Variants in SPMIP8 observed in about 807,000 individuals in gnomAD.
SPMIP8 encodes testicular tissue protein Li 196.
At chr16:57,976,850 G>A in the SPMIP8 span, among the ~76,000 whole-genome samples, 1 of 152,300 alleles carries the variant, frequency 6.6e-6, no homozygotes, top group East Asian at 1.9e-4. Context: ...AAGAAAGCAA[G>A]CTGTCTCAAC....
At chr16:57,987,091 G>A in the SPMIP8 span, 5 of 342,360 alleles carry the variant, frequency 1.5e-5, no homozygotes, top group East Asian at 4.4e-5. Flanking sequence ...ACGGGGAAAC[G>A]TTTCTGGGTT....
the SPMIP8 span, among the ~76,000 whole-genome samples, chr16:57,981,431 T>A: frequency 0.82 from 109,524 of 132,914 alleles, 45,751 homozygotes; most frequent in African/African-American, 0.89. Context: ...TTATTATTAT[T>A]ATAATTTGGT....
At chr16:57,987,345 TC>T in the SPMIP8 span, 1 of 1,464,480 alleles carries the variant, frequency 6.8e-7, no homozygotes, top group African/African-American at 1.5e-5. Flanking sequence ...GCCTGATTTT[TC>T]CCCTAGGACA....
At chr16:57,977,996 C>T in the SPMIP8 span, 1 of 1,614,194 alleles carries the variant, frequency 6.2e-7, no homozygotes. Context: ...TCAAGGCCTG[C>T]CTTCCTGATG....
chr16:57,987,634 A>G, the SPMIP8 span: 349 of 506,704 alleles, frequency 6.9e-4, no homozygotes, highest in South Asian at 5.3e-3. Context: ...ACAGGATGAC[A>G]GTATCTTACC....
chr16:57,976,923 G>C, the SPMIP8 span, among the ~76,000 whole-genome samples: 146 of 152,294 alleles, frequency 9.6e-4, no homozygotes, highest in African/African-American at 3.1e-3. Context: ...TTAAAGGGAG[G>C]CACTGGGTAT....
At chr16:57,985,060 A>G in the SPMIP8 span, 1 of 1,065,344 alleles carries the variant, frequency 9.4e-7, no homozygotes, top group East Asian at 2.9e-5. Flanking sequence ...CTGGTGGGGC[A>G]GCGGAGGCGG....
At chr16:57,976,772 C>A in the SPMIP8 span, 3 of 1,012,318 alleles carry the variant, frequency 3.0e-6, no homozygotes, top group African/African-American at 1.6e-5. Flanking sequence ...CCTCCATGAT[C>A]TAAGGTCCTC....
the SPMIP8 span, among the ~76,000 whole-genome samples, chr16:57,983,688 T>A: frequency 6.6e-6 from 1 of 152,214 alleles, no homozygotes; most frequent in South Asian, 2.1e-4. Context: ...CTCAGCTCAC[T>A]GCAACCTCCA....
At chr16:57,982,261 C>T in the SPMIP8 span, among the ~76,000 whole-genome samples, 5 of 152,286 alleles carry the variant, frequency 3.3e-5, no homozygotes, top group East Asian at 9.6e-4. Flanking sequence ...ATTAAAATCT[C>T]CCCAATTGCC....
chr16:57,985,696 A>G, the SPMIP8 span: 2 of 1,233,316 alleles, frequency 1.6e-6, no homozygotes, highest in Non-Finnish European at 2.2e-6. Flanking sequence ...TGCAATTTCA[A>G]ATGAATACAT....
At chr16:57,985,866 C>A in the SPMIP8 span, 1 of 1,587,724 alleles carries the variant, frequency 6.3e-7, no homozygotes, top group South Asian at 1.2e-5. Flanking sequence ...CAGAGAGGGT[C>A]GCCCCTTCCC....
the SPMIP8 span, chr16:57,987,539 T>A: frequency 8.1e-7 from 1 of 1,232,486 alleles, no homozygotes; most frequent in Non-Finnish European, 1.1e-6. Context: ...TCAGCCTAAC[T>A]AGAAATAAAC....
chr16:57,984,361 T>C, the SPMIP8 span: 3 of 1,614,170 alleles, frequency 1.9e-6, no homozygotes, highest in South Asian at 3.3e-5. Flanking sequence ...CCCTGCAGTG[T>C]TTGGTGAGTG....
chr16:57,985,990 G>A, the SPMIP8 span: 10 of 1,558,478 alleles, frequency 6.4e-6, no homozygotes, highest in Non-Finnish European at 7.8e-6. Context: ...GTTCTCATCC[G>A]ACTGCTGGGG....
the SPMIP8 span, among the ~76,000 whole-genome samples, chr16:57,977,634 G>A: frequency 1.3e-5 from 2 of 150,788 alleles, no homozygotes; most frequent in African/African-American, 2.4e-5. Context: ...GTTATCTTCT[G>A]TTATCTGAAT....
the SPMIP8 span, chr16:57,985,271 G>C: frequency 6.4e-7 from 1 of 1,558,850 alleles, no homozygotes; most frequent in Non-Finnish European, 8.7e-7. Flanking sequence ...CTGGCGGGTA[G>C]GGAGCGCTGC....
the SPMIP8 span, chr16:57,977,961 C>G: frequency 6.2e-7 from 1 of 1,614,210 alleles, no homozygotes; most frequent in Non-Finnish European, 8.5e-7. Flanking sequence ...CCTGCCCACC[C>G]TGCGCCACAT....
chr16:57,984,200 G>C, the SPMIP8 span: 1 of 1,144,438 alleles, frequency 8.7e-7, no homozygotes, highest in South Asian at 1.2e-5. Context: ...CATCGTGCCC[G>C]GCCTCAAAAA....
Sources: allele counts gnomAD v4.1 joint callset (sites outside exome capture counted in the v4.1 genomes callset), GRCh38; gene constraint gnomAD v4.1.1; transcripts MANE v1.5; gene names NCBI Gene and HGNC (gene_info 2026-07-23, HGNC 2026-07-21).